Variants in CCSER1 observed in about 807,000 individuals in gnomAD.
CCSER1 encodes the protein coiled-coil serine rich protein 1.
Under a neutral mutation model 82.0 loss-of-function variants are expected in CCSER1, and 41 were observed. The ratio of observed to expected loss-of-function variants is 0.50; its 90% CI spans 0.39 to 0.65. The LOEUF (loss-of-function observed/expected upper bound fraction) is 0.65, where lower values mean the gene tolerates loss of function less well. Among genes scored for constraint, CCSER1 ranks in the 30% least tolerant of loss-of-function variants. The pLI is 0.00. For missense variants in CCSER1, 1,119 were observed against 1,064.2 expected, an observed-to-expected ratio of 1.05 and a Z score of -0.72; for synonymous variants, 414 against 383.9, an observed-to-expected ratio of 1.08 and a Z score of -0.92.
chr4:90,720,290 A>G (rs1742445029), intron 6 of CCSER1, among the ~76,000 whole-genome samples: 1 of 124,126 alleles, frequency 8.1e-6, no homozygotes, highest in Non-Finnish European at 1.7e-5. Flanking sequence ...TGTTTTTTAG[A>G]AAAAAAAAAT....
At chr4:90,253,830 C>T (rs1195111699) in intron 1 of CCSER1, among the ~76,000 whole-genome samples, 1 of 152,106 alleles carries the variant, frequency 6.6e-6, no homozygotes, top group Non-Finnish European at 1.5e-5. Context: ...TTGTCTCTTT[C>T]TTTCTTCTCC....
intron 5 of CCSER1, among the ~76,000 whole-genome samples, chr4:90,586,348 T>C (rs1782022970): frequency 6.6e-6 from 1 of 152,150 alleles, no homozygotes; most frequent in South Asian, 2.1e-4. Flanking sequence ...ATTTAGAAGA[T>C]AAGTGTTGCT....
intron 9 of CCSER1, chr4:91,017,316 A>G (rs1156298767): frequency 6.6e-6 from 1 of 152,210 alleles, no homozygotes; most frequent in Non-Finnish European, 1.5e-5. Flanking sequence ...TAAAAGGTCT[A>G]GAAACTTCAC....
chr4:90,889,064 CG>C (rs1722578677), intron 8 of CCSER1, among the ~76,000 whole-genome samples: 1 of 151,892 alleles, frequency 6.6e-6, no homozygotes, highest in Non-Finnish European at 1.5e-5. Flanking sequence ...GGTAAAAGAA[CG>C]GAAGAAATCA....
chr4:91,185,009 A>G (rs1258450976), intron 10 of CCSER1, among the ~76,000 whole-genome samples: 1 of 152,178 alleles, frequency 6.6e-6, no homozygotes, highest in African/African-American at 2.4e-5. Flanking sequence ...CAGGGCCTTT[A>G]CCAACTCCAA....
At chr4:90,526,465 A>T (rs1469052149) in intron 5 of CCSER1, among the ~76,000 whole-genome samples, 1 of 151,996 alleles carries the variant, frequency 6.6e-6, no homozygotes, top group Non-Finnish European at 1.5e-5. Context: ...TTTGTTACAT[A>T]GGTATACACG....
chr4:91,155,465 G>A (rs2062781953), intron 10 of CCSER1, among the ~76,000 whole-genome samples: 1 of 151,828 alleles, frequency 6.6e-6, no homozygotes, highest in African/African-American at 2.4e-5. Flanking sequence ...AGCAGCATGA[G>A]AACGGACTAA....
intron 9 of CCSER1, among the ~76,000 whole-genome samples, chr4:91,045,512 A>G (rs188480182): frequency 5.8e-4 from 88 of 152,326 alleles, no homozygotes; most frequent in Non-Finnish European, 6.2e-4. Flanking sequence ...TAAAATATCA[A>G]ATTAAAACTT....
intron 10 of CCSER1, among the ~76,000 whole-genome samples, chr4:91,592,807 T>C (rs1764327001): frequency 6.6e-6 from 1 of 152,116 alleles, no homozygotes; most frequent in Non-Finnish European, 1.5e-5. Flanking sequence ...TTAAGAACAA[T>C]TCTTGTTGTA....
intron 6 of CCSER1, among the ~76,000 whole-genome samples, chr4:90,701,946 C>G (rs1738239696): frequency 6.6e-6 from 1 of 152,130 alleles, no homozygotes; most frequent in Admixed American, 6.5e-5. Flanking sequence ...TCTTCTTTTC[C>G]TAATTGAATA....
At chr4:90,327,492 A>G (rs997131498) in intron 3 of CCSER1, among the ~76,000 whole-genome samples, 3 of 151,928 alleles carry the variant, frequency 2.0e-5, no homozygotes, top group Non-Finnish European at 4.4e-5. Context: ...AAAAAATAAT[A>G]TTTTTCTGTA....
chr4:91,227,939 A>C (rs568838170), intron 10 of CCSER1, among the ~76,000 whole-genome samples: 1 of 152,158 alleles, frequency 6.6e-6, no homozygotes, highest in Admixed American at 6.6e-5. Context: ...GAGAATTTGT[A>C]GATTCATCCT....
At chr4:90,799,554 G>A (rs1229217406) in intron 7 of CCSER1, among the ~76,000 whole-genome samples, 2 of 152,036 alleles carry the variant, frequency 1.3e-5, no homozygotes, top group South Asian at 2.1e-4. Flanking sequence ...CAAGTAACCC[G>A]AGACTGCCCT....
At chr4:91,174,702 A>G (rs1427118934) in intron 10 of CCSER1, among the ~76,000 whole-genome samples, 1 of 152,174 alleles carries the variant, frequency 6.6e-6, no homozygotes, top group Non-Finnish European at 1.5e-5. Flanking sequence ...GTGTTATACC[A>G]TTGATAAAAA....
chr4:91,333,765 T>G (rs1528569), intron 10 of CCSER1, among the ~76,000 whole-genome samples: 9,870 of 151,904 alleles, frequency 0.065, 422 homozygotes, highest in African/African-American at 0.11. Flanking sequence ...TTTAAAAAAC[T>G]GATTAAAGTT....
chr4:90,647,135 T>C (rs141082623), intron 6 of CCSER1, among the ~76,000 whole-genome samples: 172 of 152,314 alleles, frequency 1.1e-3, no homozygotes, highest in African/African-American at 4.0e-3. Flanking sequence ...CCTTATCTTA[T>C]TATAATGAGA....
In CCSER1 at chr4:90,407,721, G is replaced by A. The variant is rs151266233; in HGVS notation, c.1603+7592G>A. Among the ~76,000 whole-genome samples the A allele has an allele frequency of 9.7e-3, 1,481 of 152,236 alleles. 28 individuals are homozygous for A. Among genetic ancestry groups the A allele is most frequent in the African/African-American group, 0.033 (1,376 of 41,524 alleles). ...TCCCAGCGTGAGCGACGCAGAAGAC[G>A]GGTGATTTCTGCATTTCCAACTGAG... On this transcript the variant is annotated intron_variant, in intron 4 of 10. Coordinates refer to ENST00000509176, the MANE Select transcript of CCSER1 (RefSeq NM_001145065.2).
Position 91,601,707 on chromosome 4 carries a change from C to CTT in CCSER1, c.*2653_*2654dup. 6.6e-6 allele frequency: 1 copy of CTT among 151,262 alleles called. No individual in the cohort carries two copies. The highest frequency in any genetic ancestry group is 2.1e-4 in the South Asian group (1 of 4,830). 9.4% of individuals were successfully genotyped at this position (151,262 alleles called of 1,614,324 possible). On this transcript the variant is annotated 3_prime_UTR_variant, in exon 11 of 11. Transcript: ENST00000509176. Reference sequence around the variant, plus strand: ...TTGTTTTTCTGATGGAAGCAGTGGTCTTTTCTTTTCTTTCCTCTTTCTTTT... The same window carrying CTT: ...TTGTTTTTCTGATGGAAGCAGTGGTCTTTTTTCTTTTCTTTCCTCTTTCTTTT...
chr4:90,829,252 T>C (rs977946617), intron 8 of CCSER1, among the ~76,000 whole-genome samples: 3 of 152,186 alleles, frequency 2.0e-5, no homozygotes, highest in African/African-American at 7.2e-5. Context: ...TCTGCTTCTC[T>C]TCATTTCACC....
Sources: allele counts gnomAD v4.1 joint callset (sites outside exome capture counted in the v4.1 genomes callset), GRCh38; gene constraint gnomAD v4.1.1; transcripts MANE v1.5; gene names NCBI Gene and HGNC (gene_info 2026-07-23, HGNC 2026-07-21).